Variants in CD37 observed in about 807,000 individuals in gnomAD.
The protein encoded by CD37 is leukocyte antigen CD37.
In CD37, 37 loss-of-function variants were observed where a neutral mutation model predicts 38.9. The ratio of observed to expected loss-of-function variants is 0.95; its 90% CI spans 0.73 to 1.25. The LOEUF is 1.25. Ranked by LOEUF, CD37 falls within the 50% of genes most tolerant of loss-of-function variation. CD37 has a pLI of 0.00. For missense variants in CD37, 351 were observed against 360.1 expected (o/e 0.97, Z 0.20); for synonymous variants, 146 against 150.1 (o/e 0.97, Z 0.20).
Position 49,340,403 on chromosome 19 carries a change from G to C in CD37, c.*75G>C. 1 of 1,053,944 alleles carries C rather than the reference G, an allele frequency of 9.5e-7. No individual in the cohort carries two copies. 65.3% of individuals were successfully genotyped at this position (1,053,944 alleles called of 1,614,324 possible). On this transcript the variant is annotated 3_prime_UTR_variant, in exon 8 of 8. Coordinates refer to ENST00000323906, the MANE Select transcript of CD37 (RefSeq NM_001774.3). ...ACTTCCCTGCTGCCTGTAAATATTT[G>C]TTTAATCCCCAGTTCGCCTGGAGCC... is the stretch of plus-strand genomic sequence containing the variant.
Position 49,338,583 on chromosome 19 carries a change from C to T in CD37, c.448-117C>T. 1 of 751,072 alleles carries T rather than the reference C, an allele frequency of 1.3e-6. No individual in the cohort carries two copies. Among genetic ancestry groups the T allele is most frequent in the Non-Finnish European group, 2.3e-6 (1 of 429,984 alleles). The allele number at this position is 751,072 out of a possible 1,614,324, so 46.5% of individuals were successfully genotyped here. A position where few individuals can be genotyped will look rare whatever the true frequency, so the allele number is the denominator to read the frequency against. On this transcript the variant is annotated intron_variant, in intron 5 of 7. Coordinates refer to ENST00000323906, the MANE Select transcript of CD37 (RefSeq NM_001774.3). The surrounding 1 kb of genome is among the most constrained non-coding windows in gnomAD (Gnocchi z 5.0). The stretch of plus-strand genomic sequence containing the variant: ...CCCCAGCCCACTGTCCCCCACTCCA[C>T]ACCCACCACTTAGTCCCCTGCTCCC...
In CD37 at chr19:49,336,803, G is replaced by A. The variant is rs754880406; in HGVS notation, c.143-106G>A. The A allele has an allele frequency of 3.3e-6, 4 of 1,197,702 alleles. No homozygotes were observed. In the South Asian group the frequency reaches 4.2e-5, roughly 13 times the overall value. The allele number at this position is 1,197,702 out of a possible 1,614,324, so 74.2% of individuals were successfully genotyped here. A position where few individuals can be genotyped will look rare whatever the true frequency, so the allele number is the denominator to read the frequency against. On this transcript the variant is annotated intron_variant, in intron 2 of 7. Transcript: ENST00000323906. Reference sequence around the variant, plus strand: ...GGGCAGGGACAGAGTCCCAGAGAGAGGGGCACCAAGATACTGCTCCCCACT... The same window carrying A: ...GGGCAGGGACAGAGTCCCAGAGAGAAGGGCACCAAGATACTGCTCCCCACT...
chr19:49,336,816 A>T, intron 2 of CD37, 93 bp from the exon 3 acceptor site: 1 of 1,382,246 alleles, frequency 7.2e-7, no homozygotes, highest in Non-Finnish European at 1.0e-6. Flanking sequence ...GCACCAAGAT[A>T]CTGCTCCCCA....
chr19:49,340,129 T>A (rs1210508218), intron 7 of CD37, 122 bp from the exon 8 acceptor site: 12 of 1,529,770 alleles, frequency 7.8e-6, no homozygotes, highest in Non-Finnish European at 8.9e-6. Flanking sequence ...ACCTATCCCC[T>A]TCTCCAGCCC....
Position 49,340,387 on chromosome 19 carries a change from C to A in CD37, c.*59C>A. ...GTCACGTGCGCTGGGCACTTCCCTG[C>A]TGCCTGTAAATATTTGTTTAATCCC... On this transcript the variant is annotated 3_prime_UTR_variant, in exon 8 of 8. Coordinates refer to ENST00000323906, the MANE Select transcript of CD37 (RefSeq NM_001774.3). The A allele has an allele frequency of 1.7e-6, 2 of 1,143,834 alleles. No homozygotes were observed. Among genetic ancestry groups the A allele is most frequent in the Non-Finnish European group, 2.6e-6 (2 of 756,058 alleles). 70.9% of individuals were successfully genotyped at this position (1,143,834 alleles called of 1,614,324 possible).
rs1035391705 is a variant in CD37 at position 49,339,830 on chromosome 19, C to G, written c.768+417C>G. ...GGCTGGGGCATGGCGGGTGCCTGCC[C>G]CAACTGGGGAGACAAGGCACCGCAG... On this transcript the variant is annotated intron_variant, in intron 7 of 7. Transcript: ENST00000323906. This position sits in a 1 kb window ranked among gnomAD's most constrained non-coding sequence, Gnocchi z 4.5. 1.1e-5 allele frequency: 15 copies of G among 1,337,422 alleles called. No homozygotes were observed. The highest frequency in any genetic ancestry group is 2.9e-4 in the Middle Eastern group (1 of 3,472). The allele number at this position is 1,337,422 out of a possible 1,614,324, so 82.8% of individuals were successfully genotyped here. A position where few individuals can be genotyped will look rare whatever the true frequency, so the allele number is the denominator to read the frequency against.
Position 49,338,868 on chromosome 19 carries a change from C to G in CD37, c.616C>G (p.His206Asp), listed in dbSNP as rs750418226. The stretch of plus-strand genomic sequence containing the variant: ...CTTGCCCCAGCTCAGCAGGCTTGGA[C>G]ACCTGGCGCGGTCCAGACACAGTGC... ...VILPQLSRLG[H>D]LARSRHSADI... The change falls in exon 6 of 8, where the codon CAC becomes GAC. Residue 206 changes from histidine (H) to aspartate (D), a missense_variant. His to Asp is a moderately conservative substitution (Grantham distance 81, BLOSUM62 -1). Coordinates refer to ENST00000323906, the MANE Select transcript of CD37 (RefSeq NM_001774.3). The surrounding 1 kb of genome is among the most constrained non-coding windows in gnomAD (Gnocchi z 5.0). 11 of 1,614,158 alleles carry G rather than the reference C, an allele frequency of 6.8e-6. No individual in the cohort carries two copies. The highest frequency in any genetic ancestry group is 9.3e-6 in the Non-Finnish European group (11 of 1,180,042).
In CD37 at chr19:49,340,270, C is replaced by G; in HGVS notation, c.788C>G (p.Ser263Trp). The change falls in exon 8 of 8, where the codon TCG (serine) becomes TGG (tryptophan). Residue 263 changes from serine to tryptophan, a missense_variant. Coordinates refer to ENST00000323906, the MANE Select transcript of CD37 (RefSeq NM_001774.3). ...CTATAGCTCGGGTTCATGACGCTCTCGATATTCCTGTGCAGAAACCTGGAC... is the reference window on the plus strand; with the variant it reads ...CTATAGCTCGGGTTCATGACGCTCTGGATATTCCTGTGCAGAAACCTGGAC... ...GLLELGFMTL[S>W]IFLCRNLDHV... 2 of 1,613,784 alleles carry G rather than the reference C, an allele frequency of 1.2e-6. No homozygotes were observed. Among genetic ancestry groups the G allele is most frequent in the Non-Finnish European group, 1.7e-6 (2 of 1,179,880 alleles).
chr19:49,339,254 T>C lies in CD37; in HGVS notation c.685-76T>C, dbSNP rs1406286319. 7.5e-7 allele frequency: 1 copy of C among 1,328,332 alleles called. No individual in the cohort carries two copies. Among genetic ancestry groups the C allele is most frequent in the African/African-American group, 1.4e-5 (1 of 69,164 alleles). 82.3% of individuals were successfully genotyped at this position (1,328,332 alleles called of 1,614,324 possible). A position where few individuals can be genotyped will look rare whatever the true frequency, so the allele number is the denominator to read the frequency against. ...GTAGATGCCTGAAGACGGTGAGGGT[T>C]GGCCTGAAAAGAACGCTGGGCCTGG... On this transcript the variant is annotated intron_variant, in intron 6 of 7. Transcript: ENST00000323906. This position sits in a 1 kb window ranked among gnomAD's most constrained non-coding sequence, Gnocchi z 4.5.
At position 49,337,302 on chromosome 19, in the gene CD37, C is replaced by T. The variant is rs577044446; in HGVS notation, c.342+81C>T. The T allele has an allele frequency of 1.3e-5, 18 of 1,368,546 alleles. 1 individual carries two copies. In the Admixed American group the frequency reaches 1.5e-4, roughly 12 times the overall value. The allele number at this position is 1,368,546 out of a possible 1,614,324, so 84.8% of individuals were successfully genotyped here. On this transcript the variant is annotated intron_variant, in intron 4 of 7. Coordinates refer to ENST00000323906, the MANE Select transcript of CD37 (RefSeq NM_001774.3). Reference sequence around the variant, plus strand: ...GTGGTGGGAGAGGGTGGAGAGAGACCGAAACAAGGGCAGACAGGGGCTAAC... The same window carrying T: ...GTGGTGGGAGAGGGTGGAGAGAGACTGAAACAAGGGCAGACAGGGGCTAAC...
At position 49,340,166 on chromosome 19, in the gene CD37, CCT is replaced by C. The variant is rs766501876; in HGVS notation, c.769-84_769-83del. The C allele has an allele frequency of 7.2e-6, 11 of 1,523,150 alleles. 1 individual carries two copies. The South Asian group carries it at 1.2e-4, about 17-fold the overall frequency. The allele number at this position is 1,523,150 out of a possible 1,614,324, so 94.4% of individuals were successfully genotyped here. On this transcript the variant is annotated intron_variant, in intron 7 of 7. Coordinates refer to ENST00000323906, the MANE Select transcript of CD37 (RefSeq NM_001774.3). ...TTCCCGCCCAATTCACGGCCCCACCCCTGACCTTTCTCGCCCGGGTGGGCATC... is the reference window on the plus strand; with the variant it reads ...TTCCCGCCCAATTCACGGCCCCACCCGACCTTTCTCGCCCGGGTGGGCATC...
chr19:49,335,412 T>C lies in CD37; in HGVS notation c.-129T>C. The C allele has an allele frequency of 1.4e-6, 1 of 739,778 alleles. No homozygotes were observed. The highest frequency in any genetic ancestry group is 2.3e-6 in the Non-Finnish European group (1 of 430,814). The allele number at this position is 739,778 out of a possible 1,614,324, so 45.8% of individuals were successfully genotyped here. A position where few individuals can be genotyped will look rare whatever the true frequency, so the allele number is the denominator to read the frequency against. On this transcript the variant is annotated 5_prime_UTR_variant, in exon 1 of 8. Coordinates refer to ENST00000323906, the MANE Select transcript of CD37 (RefSeq NM_001774.3). The surrounding 1 kb of genome is among the most constrained non-coding windows in gnomAD (Gnocchi z 4.6). ...GCCCCACCCCTGGAACTTCCTCTTT[T>C]GGGGTTCTTCCTTTCTCTCTCAGCT...
rs1452020660 is a variant in CD37, at chr19:49,336,980, GC to G, written c.217del (p.Leu73SerfsTer51). ...AISGIFTMGI[A>X]LLGCVGALKE... ...CTCAGGAATCTTCACCATGGGCATCGCCCTCCTGGGTTGTGTGGGGGCCCTC... is the reference window on the plus strand; with the variant it reads ...CTCAGGAATCTTCACCATGGGCATCGCCTCCTGGGTTGTGTGGGGGCCCTC... On this transcript the variant is annotated frameshift_variant, in exon 3 of 8. Transcript: ENST00000323906. LOFTEE classifies it high-confidence loss of function. 2.5e-6 allele frequency: 4 copies of G among 1,613,956 alleles called. No homozygotes were observed. The highest frequency in any genetic ancestry group is 3.4e-6 in the Non-Finnish European group (4 of 1,179,948).
In CD37 at chr19:49,339,548, C is replaced by A. The variant is rs1398198071; in HGVS notation, c.768+135C>A. The A allele has an allele frequency of 4.7e-6, 7 of 1,474,100 alleles. No individual in the cohort carries two copies. The East Asian group carries it at 1.4e-4, about 30-fold the overall frequency. 91.3% of individuals were successfully genotyped at this position (1,474,100 alleles called of 1,614,324 possible). A position where few individuals can be genotyped will look rare whatever the true frequency, so the allele number is the denominator to read the frequency against. The stretch of plus-strand genomic sequence containing the variant: ...AGCCCACCCCGGCCCTCCCGCCGCT[C>A]CACCCAGCACCGGAGGGTGGGGGCG... On this transcript the variant is annotated intron_variant, in intron 7 of 7. Coordinates refer to ENST00000323906, the MANE Select transcript of CD37 (RefSeq NM_001774.3). This position sits in a 1 kb window ranked among gnomAD's most constrained non-coding sequence, Gnocchi z 4.5.
chr19:49,337,488 G>A lies in CD37; in HGVS notation c.342+267G>A, dbSNP rs529761769. 8 of 624,082 alleles carry A rather than the reference G, an allele frequency of 1.3e-5. No individual in the cohort carries two copies. In the South Asian group the frequency reaches 1.6e-4, roughly 12 times the overall value. The allele number at this position is 624,082 out of a possible 1,614,324, so 38.7% of individuals were successfully genotyped here. On this transcript the variant is annotated intron_variant, in intron 4 of 7. Transcript: ENST00000323906. ...TTTAAAAAAAAAATCCGGGTGTGAT[G>A]GTGTGCACCTGGGGTCCCAGCTACT...
At position 49,340,508 on chromosome 19, in the gene CD37, T is replaced by G; in HGVS notation, c.*180T>G. 1 of 644,386 alleles carries G rather than the reference T, an allele frequency of 1.6e-6. No individual in the cohort carries two copies. Among genetic ancestry groups the G allele is most frequent in the East Asian group, 2.7e-5 (1 of 36,784 alleles). The allele number at this position is 644,386 out of a possible 1,614,324, so 39.9% of individuals were successfully genotyped here. ...CACCTCTCCCACGGGACCTGGGGCT[T>G]TCGTCCACAGCTTCCTGTCCCCATC... On this transcript the variant is annotated 3_prime_UTR_variant, in exon 8 of 8. Transcript: ENST00000323906.
intron 4 of CD37, 108 bp from the exon 5 acceptor site, chr19:49,337,817 T>C (rs1971014443): frequency 1.3e-6 from 2 of 1,573,802 alleles, no homozygotes; most frequent in African/African-American, 2.7e-5. Flanking sequence ...CAGTAAGGAT[T>C]TGAGACTGGC....
At position 49,339,629 on chromosome 19, in the gene CD37, G is replaced by A. The variant is rs1287133372; in HGVS notation, c.768+216G>A. On this transcript the variant is annotated intron_variant, in intron 7 of 7. Transcript: ENST00000323906. This position sits in a 1 kb window ranked among gnomAD's most constrained non-coding sequence, Gnocchi z 4.5. ...ACGCAGGGAAAGCCTCCTGCTATTG[G>A]CTGCGATCTCCCTCCCCTTTCTCCG... is the stretch of plus-strand genomic sequence containing the variant. The A allele has an allele frequency of 2.1e-6, 3 of 1,432,036 alleles. No individual in the cohort carries two copies. Among genetic ancestry groups the A allele is most frequent in the Non-Finnish European group, 2.7e-6 (3 of 1,097,722 alleles). 88.7% of individuals were successfully genotyped at this position (1,432,036 alleles called of 1,614,324 possible).
intron 2 of CD37, chr19:49,336,087 G>A: frequency 2.2e-6 from 1 of 463,676 alleles, no homozygotes; most frequent in Non-Finnish European, 3.9e-6. Flanking sequence ...GAAGCCCCTT[G>A]ATGGATGTCA....
Sources: allele counts gnomAD v4.1 joint callset, GRCh38; gene constraint gnomAD v4.1.1; non-coding constraint Gnocchi (gnomAD v3.1); transcripts MANE v1.5; gene names NCBI Gene and HGNC (gene_info 2026-07-23, HGNC 2026-07-21).